PPP2R3A: variants seen among roughly 807,000 people sequenced by gnomAD.
PPP2R3A encodes protein phosphatase 2 regulatory subunit B''alpha.
PPP2R3A carries 80 observed loss-of-function variants against 106.9 expected under a neutral mutation model. The ratio of observed to expected loss-of-function variants is 0.75; its 90% CI spans 0.62 to 0.90. The LOEUF (loss-of-function observed/expected upper bound fraction) is 0.90, where lower values mean the gene tolerates loss of function less well. Ranked by LOEUF, PPP2R3A falls within the 40% of genes least tolerant of loss-of-function variation. The probability of loss-of-function intolerance (pLI) is 0.00; values close to 1 mark genes in which losing one functional copy is unlikely to be tolerated. For missense variants in PPP2R3A, 1,386 were observed against 1,350.4 expected, an observed-to-expected ratio of 1.03 and a Z score of -0.41; for synonymous variants, 483 against 468.3, an observed-to-expected ratio of 1.03 and a Z score of -0.41.
chr3:136,041,044 T>C, intron 4 of PPP2R3A, 82 bp downstream of exon 4: 1 of 1,088,306 alleles, frequency 9.2e-7, no homozygotes, highest in East Asian at 2.6e-5. Flanking sequence ...TCACCTATTT[T>C]ACTCATTTAT....
intron 13 of PPP2R3A, among the ~76,000 whole-genome samples, chr3:136,136,516 C>CT (rs1247252505): frequency 7.2e-5 from 11 of 152,072 alleles, no homozygotes; most frequent in African/African-American, 9.7e-5. Context: ...TATAATGAAT[C>CT]TAACAGTGTC....
At chr3:136,129,734 G>A (rs1938327806) in intron 13 of PPP2R3A, among the ~76,000 whole-genome samples, 1 of 152,234 alleles carries the variant, frequency 6.6e-6, no homozygotes, top group East Asian at 1.9e-4. Context: ...TTTCCGGCCA[G>A]TATCCCTGAT....
At chr3:136,103,456 A>C (rs2107968884) in intron 12 of PPP2R3A, 80 bp downstream of exon 12, 2 of 977,116 alleles carry the variant, frequency 2.0e-6, no homozygotes, top group East Asian at 2.6e-5. Flanking sequence ...TGGTCTCTGC[A>C]TGCTGGAATT....
At position 136,026,901 on chromosome 3, in the gene PPP2R3A, C is replaced by T. The variant is rs752632975; in HGVS notation, c.2065C>T (p.Arg689Ter). Residue 689 changes from arginine to a stop codon, truncating the protein, a stop_gained, in exon 3 of 14, where the codon CGA becomes TGA. Coordinates refer to ENST00000264977, the MANE Select transcript of PPP2R3A (RefSeq NM_002718.5). LOFTEE classifies it high-confidence loss of function. ...PPPATSPSSPRPLSPVPHVNN... is the reference protein window; with the variant it reads ...PPPATSPSSP The stretch of plus-strand genomic sequence containing the variant: ...TCCAGCCACCTCTCCAAGTAGTCCC[C>T]GACCTCTCTCCCCGGTTCCCCATGT... 15 of 1,612,724 alleles carry T rather than the reference C, an allele frequency of 9.3e-6. No homozygotes were observed. In the Admixed American group the frequency reaches 1.2e-4, roughly 13 times the overall value.
At chr3:136,067,389 TGA>T (rs1306419856) in intron 5 of PPP2R3A, among the ~76,000 whole-genome samples, 13 of 152,306 alleles carry the variant, frequency 8.5e-5, no homozygotes, top group African/African-American at 3.1e-4. Context: ...GATTCATTCC[TGA>T]GAGACAGAAA....
At chr3:136,056,586 A>G (rs1031147168) in intron 5 of PPP2R3A, among the ~76,000 whole-genome samples, 1 of 152,190 alleles carries the variant, frequency 6.6e-6, no homozygotes, top group Non-Finnish European at 1.5e-5. Context: ...ATAAAAATCA[A>G]CTGAAAATGG....
intron 13 of PPP2R3A, among the ~76,000 whole-genome samples, chr3:136,118,023 C>T (rs1339736857): frequency 6.6e-6 from 1 of 152,162 alleles, no homozygotes; most frequent in Admixed American, 6.5e-5. Context: ...GAAAGCTTAT[C>T]CACCATGATC....
intron 3 of PPP2R3A, among the ~76,000 whole-genome samples, chr3:136,031,973 C>T (rs191452585): frequency 8.8e-4 from 134 of 152,182 alleles, no homozygotes; most frequent in Non-Finnish European, 3.1e-4. Flanking sequence ...CTTAGTCTTG[C>T]GTTGGCCATG....
intron 3 of PPP2R3A, among the ~76,000 whole-genome samples, chr3:136,033,773 C>A (rs1559880168): frequency 6.6e-6 from 1 of 151,984 alleles, no homozygotes; most frequent in Non-Finnish European, 1.5e-5. Flanking sequence ...GATTTTCTCT[C>A]TTCTTTTCTT....
rs538934060 is a variant in PPP2R3A, at chr3:136,015,658, A to C, written c.1996-11174A>C. Among the ~76,000 whole-genome samples, 13 of 150,882 alleles carry C rather than the reference A, an allele frequency of 8.6e-5. No homozygotes were observed. The South Asian group carries it at 2.8e-3, about 32-fold the overall frequency. ...TTGTATTTTTGTGGTATCAGTTGTAATATTTCCTGTTTCATTTCTAATTGA... is the reference window on the plus strand; with the variant it reads ...TTGTATTTTTGTGGTATCAGTTGTACTATTTCCTGTTTCATTTCTAATTGA... On this transcript the variant is annotated intron_variant, in intron 2 of 13. Transcript: ENST00000264977.
intron 13 of PPP2R3A, among the ~76,000 whole-genome samples, chr3:136,108,568 A>G (rs1341628513): frequency 6.6e-6 from 1 of 152,116 alleles, no homozygotes; most frequent in African/African-American, 2.4e-5. Context: ...TTTTGAAATA[A>G]AAGAAAACCT....
At position 136,082,223 on chromosome 3, in the gene PPP2R3A, C is replaced by A. The variant is rs764861710; in HGVS notation, c.2632-42C>A. 9.2e-6 allele frequency: 14 copies of A among 1,516,528 alleles called. No individual in the cohort carries two copies. In the East Asian group the frequency reaches 3.2e-4, roughly 34 times the overall value. The allele number at this position is 1,516,528 out of a possible 1,614,324, so 93.9% of individuals were successfully genotyped here. On this transcript the variant is annotated intron_variant, in intron 7 of 13. Transcript: ENST00000264977. ...AGACTCTGCACAGTGGCCAAAGCTGCTTTTTCATAATGTTTAAATTCTTCT... is the reference window on the plus strand; with the variant it reads ...AGACTCTGCACAGTGGCCAAAGCTGATTTTTCATAATGTTTAAATTCTTCT...
chr3:136,135,536 A>G (rs574096574), intron 13 of PPP2R3A, among the ~76,000 whole-genome samples: 98 of 152,260 alleles, frequency 6.4e-4, no homozygotes, highest in Non-Finnish European at 1.3e-3. Context: ...TCAGAAAGGG[A>G]GGAATGTTAG....
At chr3:136,020,956 A>C (rs1217277337) in intron 2 of PPP2R3A, among the ~76,000 whole-genome samples, 1 of 152,114 alleles carries the variant, frequency 6.6e-6, no homozygotes, top group Admixed American at 6.6e-5. Context: ...GGAAGCCTTC[A>C]TGAAATAGCT....
chr3:136,045,790 T>G (rs1347135535), intron 4 of PPP2R3A, among the ~76,000 whole-genome samples: 1 of 152,102 alleles, frequency 6.6e-6, no homozygotes, highest in Non-Finnish European at 1.5e-5. Context: ...GCCCTTACTA[T>G]TAAATGCCAT....
In PPP2R3A at chr3:136,106,282, C is replaced by T; in HGVS notation, c.3289C>T (p.Leu1097Phe). The stretch of plus-strand genomic sequence containing the variant: ...GTTTGCCGCTGAGGAGTATGAGACG[C>T]TTGTTGCAGAGGAATCTGCCCAAGC... ...DRFAAEEYETLVAEESAQAQF... is the reference protein window; with the variant it reads ...DRFAAEEYETFVAEESAQAQF... The change falls in exon 13 of 14, where the codon CTT (leucine) becomes TTT (phenylalanine). Residue 1097 changes from leucine (L) to phenylalanine (F), a missense_variant. Leu to Phe is a conservative substitution (Grantham distance 22, BLOSUM62 0). Transcript: ENST00000264977. 2 of 1,613,778 alleles carry T rather than the reference C, an allele frequency of 1.2e-6. No individual in the cohort carries two copies. The highest frequency in any genetic ancestry group is 1.7e-6 in the Non-Finnish European group (2 of 1,179,896).
At chr3:136,025,901 C>CT (rs1934635462) in intron 2 of PPP2R3A, among the ~76,000 whole-genome samples, 1 of 151,784 alleles carries the variant, frequency 6.6e-6, no homozygotes, top group Non-Finnish European at 1.5e-5. Flanking sequence ...ATCTTTTTTG[C>CT]TTTTTCTGGT....
At chr3:136,100,413 G>A (rs948498599) in intron 10 of PPP2R3A, among the ~76,000 whole-genome samples, 6 of 151,420 alleles carry the variant, frequency 4.0e-5, no homozygotes, top group African/African-American at 1.5e-4. Context: ...CGTGGCTCAC[G>A]CCTGTAATCC....
rs1192444267 is a variant in PPP2R3A at position 136,014,390 on chromosome 3, A to C, written c.1995+10897A>C. On this transcript the variant is annotated intron_variant, in intron 2 of 13. Coordinates refer to ENST00000264977, the MANE Select transcript of PPP2R3A (RefSeq NM_002718.5). ...TATTTTGACTGGAATTGCATTGAAT[A>C]TGTAGATTGCTTTTGGCAGAATGGT... Among the ~76,000 whole-genome samples the C allele has an allele frequency of 2.0e-5, 3 of 152,054 alleles. No individual in the cohort carries two copies. The East Asian group carries it at 5.8e-4, about 29-fold the overall frequency.
Sources: allele counts gnomAD v4.1 joint callset (sites outside exome capture counted in the v4.1 genomes callset), GRCh38; gene constraint gnomAD v4.1.1; transcripts MANE v1.5; gene names NCBI Gene and HGNC (gene_info 2026-07-23, HGNC 2026-07-21).